SLF2: variants seen among roughly 807,000 people sequenced by gnomAD.
SLF2 encodes the protein SMC5/6 complex localization factor 2, also known as SMC5-SMC6 complex localization factor protein 2.
SLF2 carries 68 observed loss-of-function variants against 124.3 expected under a neutral mutation model. The observed-to-expected ratio is 0.55, with a 90% confidence interval of 0.45 to 0.67. SLF2 has a LOEUF of 0.67. Among genes scored for constraint, SLF2 ranks in the 30% least tolerant of loss-of-function variants. SLF2 has a pLI of 0.00. For synonymous variants in SLF2, 480 were observed against 478.8 expected, an observed-to-expected ratio of 1.00 and a Z score of -0.03; for missense variants, 1,246 against 1,373.7, an observed-to-expected ratio of 0.91 and a Z score of 1.47.
chr10:100,913,806 G>A (rs149159235), intron 1 of SLF2: 2 of 985,648 alleles, frequency 2.0e-6, no homozygotes, highest in East Asian at 1.1e-4. Flanking sequence ...TTTTTGTAAA[G>A]ATTTTGTGGG....
At chr10:100,941,838 A>G (rs952590177) in intron 11 of SLF2, among the ~76,000 whole-genome samples, 3 of 152,176 alleles carry the variant, frequency 2.0e-5, no homozygotes, top group African/African-American at 7.2e-5. Flanking sequence ...GTCAGCACGG[A>G]GAGGTTAAGT....
In SLF2 at chr10:100,959,447, G is replaced by C. The variant is rs980973400; in HGVS notation, c.3437G>C (p.Arg1146Thr). ...TTTAAGGTGAAAGACTTGGTCGCCAGGATACATGGAAAATGGCAGGAAATA... is the reference window on the plus strand; with the variant it reads ...TTTAAGGTGAAAGACTTGGTCGCCACGATACATGGAAAATGGCAGGAAATA... ...YRTKVKDLVA[R>T]IHGKWQEIIQ... The change falls in exon 19 of 20, where the codon AGG (arginine) becomes ACG (threonine). Residue 1146 changes from arginine to threonine, a missense_variant. By Grantham distance (71) the Arg-to-Thr change is moderately conservative. Transcript: ENST00000238961. 9 of 1,608,628 alleles carry C rather than the reference G, an allele frequency of 5.6e-6. No individual in the cohort carries two copies. Among genetic ancestry groups the C allele is most frequent in the Non-Finnish European group, 8.5e-7 (1 of 1,178,710 alleles).
intron 10 of SLF2, 111 bp from the exon 11 acceptor site, chr10:100,938,484 A>T (rs555989937): frequency 1.9e-6 from 2 of 1,066,184 alleles, no homozygotes; most frequent in Admixed American, 2.6e-5. Flanking sequence ...AGCAGCTGTC[A>T]TTTCTATAAA....
intron 9 of SLF2, among the ~76,000 whole-genome samples, 182 bp from the exon 10 acceptor site, chr10:100,937,219 CA>C (rs1849881001): frequency 6.6e-6 from 1 of 152,174 alleles, no homozygotes; most frequent in Admixed American, 6.5e-5. Flanking sequence ...CCGTCTTGCA[CA>C]GGCTGGTCTC....
intron 11 of SLF2, among the ~76,000 whole-genome samples, chr10:100,940,322 T>C (rs1307729747): frequency 6.6e-6 from 1 of 152,166 alleles, no homozygotes; most frequent in Non-Finnish European, 1.5e-5. Context: ...TGTAACAAAA[T>C]GCCTGTTTAA....
chr10:100,925,208 T>C (rs1435893051), intron 5 of SLF2, among the ~76,000 whole-genome samples: 1 of 152,224 alleles, frequency 6.6e-6, no homozygotes, highest in Non-Finnish European at 1.5e-5. Flanking sequence ...TTTGAGCATG[T>C]ACCCCAACAT....
At chr10:100,932,648 G>C (rs886671546) in intron 9 of SLF2, among the ~76,000 whole-genome samples, 11 of 151,918 alleles carry the variant, frequency 7.2e-5, no homozygotes, top group Non-Finnish European at 1.0e-4. Context: ...CAGTGTCTCT[G>C]ATCTCATGAA....
intron 11 of SLF2, among the ~76,000 whole-genome samples, chr10:100,942,236 T>G (rs965255851): frequency 2.0e-5 from 3 of 152,160 alleles, no homozygotes; most frequent in Non-Finnish European, 2.9e-5. Flanking sequence ...CCACTTCATA[T>G]GGAATCACAA....
chr10:100,926,203 T>A (rs1488999412), intron 6 of SLF2, 184 bp downstream of exon 6: 3 of 1,548,038 alleles, frequency 1.9e-6, no homozygotes, highest in African/African-American at 2.7e-5. Context: ...TCACAACACT[T>A]TGGGAGACCC....
chr10:100,961,007 T>TTTTTTTG, intron 19 of SLF2, among the ~76,000 whole-genome samples: 1 of 120,206 alleles, frequency 8.3e-6, no homozygotes, highest in Non-Finnish European at 1.8e-5. Context: ...TCTTTTTTTT[T>TTTTTTTG]TTTTTTTTTT....
chr10:100,937,595 C>A, intron 10 of SLF2, 118 bp downstream of exon 10: 1 of 735,104 alleles, frequency 1.4e-6, no homozygotes, highest in Non-Finnish European at 2.2e-6. Flanking sequence ...AATTATTTTT[C>A]TAATCAAAAG....
intron 6 of SLF2, 111 bp downstream of exon 6, chr10:100,926,130 ACT>A: frequency 6.3e-7 from 1 of 1,580,838 alleles, no homozygotes; most frequent in Non-Finnish European, 8.6e-7. Context: ...TGCATTTTGG[ACT>A]CTGTTGTCAA....
chr10:100,950,551 C>A, intron 16 of SLF2, 125 bp from the exon 17 acceptor site: 1 of 768,740 alleles, frequency 1.3e-6, no homozygotes, highest in Non-Finnish European at 2.1e-6. Context: ...CTTTTACTTA[C>A]TGACCAGCTG....
At position 100,916,557 on chromosome 10, in the gene SLF2, AT is replaced by A; in HGVS notation, c.185-11del. On this transcript the variant is annotated splice_polypyrimidine_tract_variant and intron_variant, in intron 2 of 19. Transcript: ENST00000238961. ...TAACATGCAATTTGTATGTGTTTTA[AT>A]TGGCTATTTAGACAGACACATGTTG... 7.5e-7 allele frequency: 1 copy of A among 1,325,388 alleles called. No individual in the cohort carries two copies. The highest frequency in any genetic ancestry group is 9.7e-7 in the Non-Finnish European group (1 of 1,029,512). The allele number at this position is 1,325,388 out of a possible 1,614,324, so 82.1% of individuals were successfully genotyped here.
At chr10:100,950,555 C>G in intron 16 of SLF2, 121 bp from the exon 17 acceptor site, 1 of 788,932 alleles carries the variant, frequency 1.3e-6, no homozygotes, top group South Asian at 1.8e-5. Flanking sequence ...TACTTACTGA[C>G]CAGCTGGGTT....
Position 100,960,820 on chromosome 10 carries a change from A to AT in SLF2, c.3487-1049dup, listed in dbSNP as rs563097347. Reference sequence around the variant, plus strand: ...TAAGGAGTCTTTGCCTAAGAGGGACATTTTTTTTAACACCTGCTAGTAAGT... The same window carrying AT: ...TAAGGAGTCTTTGCCTAAGAGGGACATTTTTTTTTAACACCTGCTAGTAAGT... On this transcript the variant is annotated intron_variant, in intron 19 of 19. Coordinates refer to ENST00000238961, the MANE Select transcript of SLF2 (RefSeq NM_018121.4). Among the ~76,000 whole-genome samples the AT allele has an allele frequency of 9.3e-4, 141 of 150,886 alleles. 1 individual carries two copies. Among genetic ancestry groups the AT allele is most frequent in the African/African-American group, 3.3e-3 (134 of 41,176 alleles).
rs1366411657 is a variant in SLF2, at chr10:100,950,082, G to C, written c.3127G>C (p.Val1043Leu). Residue 1043 changes from valine (V) to leucine (L), a missense_variant, in exon 16 of 20, where the codon GTC becomes CTC. Physicochemically the swap from Val to Leu is conservative, Grantham distance 32. Coordinates refer to ENST00000238961, the MANE Select transcript of SLF2 (RefSeq NM_018121.4). ...VPNASNLQVSVLHRYLVQMKP... is the reference protein window; with the variant it reads ...VPNASNLQVSLLHRYLVQMKP... ...CTCCTCTTTCTTTTGATAGGTATCA[G>C]TCCTACATCGCTATCTTGTGCAGAT... 1 of 1,609,536 alleles carries C rather than the reference G, an allele frequency of 6.2e-7. No individual in the cohort carries two copies. The highest frequency in any genetic ancestry group is 8.5e-7 in the Non-Finnish European group (1 of 1,177,794).
Position 100,916,782 on chromosome 10 carries a change from C to T in SLF2, c.397C>T (p.Arg133Trp), listed in dbSNP as rs748706051. The change falls in exon 3 of 20, where the codon CGG becomes TGG. Residue 133 changes from arginine to tryptophan, a missense_variant. Physicochemically the swap from Arg to Trp is moderately radical, Grantham distance 101. Coordinates refer to ENST00000238961, the MANE Select transcript of SLF2 (RefSeq NM_018121.4). ...HEDHGIHESRRPCLSLASKYL... is the reference protein window; with the variant it reads ...HEDHGIHESRWPCLSLASKYL... ...AGATCATGGTATACATGAGTCACGT[C>T]GGCCTTGTCTGTCACTAGCCTCCAA... 17 of 1,613,268 alleles carry T rather than the reference C, an allele frequency of 1.1e-5. No homozygotes were observed. Among genetic ancestry groups the T allele is most frequent in the Middle Eastern group, 1.6e-4 (1 of 6,080 alleles).
intron 11 of SLF2, among the ~76,000 whole-genome samples, chr10:100,943,047 C>G (rs2133807628): frequency 6.6e-6 from 1 of 152,222 alleles, no homozygotes; most frequent in South Asian, 2.1e-4. Context: ...TAATCTTTAA[C>G]CCCTCTGGGT....
Sources: allele counts gnomAD v4.1 joint callset (sites outside exome capture counted in the v4.1 genomes callset), GRCh38; gene constraint gnomAD v4.1.1; transcripts MANE v1.5; gene names NCBI Gene and HGNC (gene_info 2026-07-23, HGNC 2026-07-21).